Variants in NCOR1 observed in about 807,000 individuals in gnomAD.
NCOR1 encodes nuclear receptor corepressor 1, also known as protein phosphatase 1, regulatory subunit 109.
In NCOR1, 63 loss-of-function variants were observed where a neutral mutation model predicts 288.1. That is an observed-to-expected ratio of 0.22 (90% CI 0.18 to 0.27). The LOEUF (loss-of-function observed/expected upper bound fraction) is 0.27. Among genes scored for constraint, NCOR1 ranks in the 10% least tolerant of loss-of-function variants. The probability of loss-of-function intolerance (pLI) is 1.00; values close to 1 mark genes in which losing one functional copy is unlikely to be tolerated. For synonymous variants in NCOR1, 1,007 were observed against 1,065.9 expected (o/e 0.94, Z 1.08); for missense variants, 2,397 against 3,019.2 (o/e 0.79, Z 4.83).
At position 16,047,068 on chromosome 17, in the gene NCOR1, T is replaced by C. The variant is rs147781648; in HGVS notation, c.6562A>G (p.Ile2188Val). ...QRNDARSPGS[I>V]SYLPSFFTKL... The stretch of plus-strand genomic sequence containing the variant: ...GTGAAGAATGAAGGCAAGTAGCTTA[T>C]ACTCCCTGGTGAGCGGGCATCATTC... Residue 2188 changes from isoleucine to valine, a missense_variant, in exon 42 of 46, where the codon ATA becomes GTA. By Grantham distance (29) the Ile-to-Val change is conservative. Transcript: ENST00000268712. 2.1e-5 allele frequency: 34 copies of C among 1,613,466 alleles called. No homozygotes were observed. In the African/African-American group the frequency reaches 3.5e-4, roughly 16 times the overall value.
intron 3 of NCOR1, among the ~76,000 whole-genome samples, chr17:16,177,350 TTCTTACACG>T (rs2084404608): frequency 6.6e-6 from 1 of 150,636 alleles, no homozygotes; most frequent in African/African-American, 2.5e-5. Flanking sequence ...CTCTTTATGT[TTCTTACACG>T]TGGCGATTTT....
At chr17:16,136,944 C>G (rs1380795640) in intron 14 of NCOR1, among the ~76,000 whole-genome samples, 1 of 151,964 alleles carries the variant, frequency 6.6e-6, no homozygotes, top group Non-Finnish European at 1.5e-5. Context: ...ATTTCTCTCC[C>G]TTACTCTACC....
At position 16,101,277 on chromosome 17, in the gene NCOR1, T is replaced by A; in HGVS notation, c.2663A>T (p.Asp888Val). The A allele has an allele frequency of 6.2e-7, 1 of 1,606,008 alleles. No individual in the cohort carries two copies. Among genetic ancestry groups the A allele is most frequent in the Non-Finnish European group, 8.5e-7 (1 of 1,176,172 alleles). Residue 888 changes from aspartate (D) to valine (V), a missense_variant, in exon 20 of 46, where the codon GAT becomes GTT. Physicochemically the swap from Asp to Val is radical, Grantham distance 152. Transcript: ENST00000268712. ...CTGCCTCTCTGGCTCTCCATCCACA[T>A]CCTCATCAGCGCTGCACGTGGCACT... ...DSSATCSADE[D>V]VDGEPERQRM...
chr17:16,075,663 C>T lies in NCOR1; in HGVS notation c.3541G>A (p.Ala1181Thr). The change falls in exon 27 of 46, where the codon GCT becomes ACT. Residue 1181 changes from alanine to threonine, a missense_variant. Transcript: ENST00000268712. Reference protein sequence around the residue: ...ALPQTGIPTEALVKGSISRMP... With the variant: ...ALPQTGIPTETLVKGSISRMP... ...CTCGAAATGGACCCCTTCACCAAAG[C>T]CTCTGTTGGTATGCCAGTCTGGGGC... The T allele has an allele frequency of 1.9e-6, 3 of 1,614,198 alleles. No individual in the cohort carries two copies. The highest frequency in any genetic ancestry group is 2.5e-6 in the Non-Finnish European group (3 of 1,180,022).
intron 14 of NCOR1, among the ~76,000 whole-genome samples, chr17:16,136,987 G>A (rs2076534302): frequency 6.6e-6 from 1 of 151,978 alleles, no homozygotes; most frequent in African/African-American, 2.4e-5. Flanking sequence ...ACTGGCTAAA[G>A]ATAGTGTATT....
intron 9 of NCOR1, among the ~76,000 whole-genome samples, chr17:16,149,077 A>G (rs1271251547): frequency 6.6e-6 from 1 of 152,104 alleles, no homozygotes; most frequent in Non-Finnish European, 1.5e-5. Context: ...CGTTTCTAAT[A>G]AAAGAAAGAA....
At chr17:16,103,925 G>A (rs999150287) in intron 19 of NCOR1, among the ~76,000 whole-genome samples, 1 of 152,196 alleles carries the variant, frequency 6.6e-6, no homozygotes, top group African/African-American at 2.4e-5. Flanking sequence ...TAGGAGAATC[G>A]CTTGAATCCG....
At chr17:16,210,092 C>A (rs1471996631) in intron 1 of NCOR1, among the ~76,000 whole-genome samples, 1 of 151,244 alleles carries the variant, frequency 6.6e-6, no homozygotes, top group South Asian at 2.1e-4. Context: ...AATAATTTAA[C>A]CTATTTGTAG....
intron 40 of NCOR1, among the ~76,000 whole-genome samples, chr17:16,052,275 C>T (rs1432720699): frequency 1.3e-5 from 2 of 151,888 alleles, no homozygotes; most frequent in African/African-American, 2.4e-5. Flanking sequence ...CTGCCTGCCT[C>T]GGCCTCCCAA....
chr17:16,057,435 C>T, intron 40 of NCOR1, 79 bp downstream of exon 40: 1 of 1,423,420 alleles, frequency 7.0e-7, no homozygotes, highest in Non-Finnish European at 9.8e-7. Flanking sequence ...TTGTGAGAAA[C>T]AAATTCCTTA....
intron 1 of NCOR1, among the ~76,000 whole-genome samples, chr17:16,207,690 G>A (rs1410030305): frequency 4.1e-5 from 6 of 147,586 alleles, no homozygotes; most frequent in African/African-American, 1.0e-4. Context: ...GCAATGAGCC[G>A]AGACCGCGCC....
chr17:16,187,842 G>A (rs1192127529), intron 2 of NCOR1, among the ~76,000 whole-genome samples: 1 of 151,326 alleles, frequency 6.6e-6, no homozygotes, highest in Non-Finnish European at 1.5e-5. Context: ...AGAGGCTGCA[G>A]TGAGCTCTGA....
chr17:16,136,764 ACCACTGCACT>A (rs1293469450), intron 14 of NCOR1, among the ~76,000 whole-genome samples: 1 of 147,430 alleles, frequency 6.8e-6, no homozygotes, highest in Non-Finnish European at 1.5e-5. Context: ...CCAAGATAGC[ACCACTGCACT>A]CCAGCCTGGG....
At chr17:16,038,751 T>C (rs1481756144) in intron 44 of NCOR1, among the ~76,000 whole-genome samples, 9 of 152,044 alleles carry the variant, frequency 5.9e-5, no homozygotes, top group South Asian at 2.1e-4. Context: ...CTTACGATTA[T>C]TTTATTTTAT....
intron 13 of NCOR1, 24 bp downstream of exon 13, chr17:16,138,134 C>T (rs201731457): frequency 5.5e-5 from 88 of 1,594,884 alleles, no homozygotes; most frequent in Non-Finnish European, 5.4e-5. Context: ...CCTACAAACA[C>T]TCCCAATGCA....
chr17:16,089,089 T>C (rs1200291446), intron 22 of NCOR1, among the ~76,000 whole-genome samples: 1 of 150,908 alleles, frequency 6.6e-6, no homozygotes, highest in Non-Finnish European at 1.5e-5. Flanking sequence ...TTTATAACTA[T>C]GTTTAAAAAA....
chr17:16,052,736 A>G (rs956953670), intron 40 of NCOR1, among the ~76,000 whole-genome samples: 7 of 152,226 alleles, frequency 4.6e-5, no homozygotes, highest in African/African-American at 1.2e-4. Context: ...ACTCCTCCCT[A>G]TCTCATTCTA....
intron 2 of NCOR1, among the ~76,000 whole-genome samples, chr17:16,192,827 G>T (rs1238487686): frequency 6.6e-6 from 1 of 152,086 alleles, no homozygotes; most frequent in Admixed American, 6.6e-5. Context: ...TAGGTGATTG[G>T]ATAAACAAAT....
chr17:16,137,435 T>C, intron 13 of NCOR1, 23 bp from the exon 14 acceptor site: 1 of 1,306,854 alleles, frequency 7.7e-7, no homozygotes, highest in Non-Finnish European at 1.0e-6. Context: ...AAACAATTAT[T>C]TTTGAGGATC....
Sources: gnomAD v4.1 joint callset for allele counts (sites outside exome capture counted in the v4.1 genomes callset) on GRCh38, gnomAD v4.1.1 for gene constraint, MANE v1.5 for transcripts, NCBI Gene and HGNC (gene_info 2026-07-23, HGNC 2026-07-21) for gene names.